The following PLXNA4 variants were observed in gnomAD, a reference collection of about 807,000 sequenced individuals.
PLXNA4 encodes plexin-A4.
In PLXNA4, 44 loss-of-function variants were observed where a neutral mutation model predicts 191.8. That is an observed-to-expected ratio of 0.23 (90% CI 0.18 to 0.29). PLXNA4 has a LOEUF of 0.29. Ranked by LOEUF, PLXNA4 falls within the 10% of genes least tolerant of loss-of-function variation. The pLI is 1.00. For synonymous variants in PLXNA4, 1,082 were observed against 1,009.5 expected, an observed-to-expected ratio of 1.07 and a Z score of -1.36; for missense variants, 1,800 against 2,488.8, an observed-to-expected ratio of 0.72 and a Z score of 5.89.
intron 3 of PLXNA4, among the ~76,000 whole-genome samples, chr7:132,431,966 A>AGTG (rs1435834788): frequency 6.6e-6 from 1 of 152,118 alleles, no homozygotes; most frequent in East Asian, 1.9e-4. Context: ...CTTAGGTGGA[A>AGTG]GTGGTTTTAA....
Position 132,271,727 on chromosome 7 carries a change from A to G in PLXNA4, c.1503+26364T>C, listed in dbSNP as rs377691423. Among the ~76,000 whole-genome samples the G allele has an allele frequency of 3.9e-5, 6 of 152,278 alleles. No individual in the cohort carries two copies. In the East Asian group the frequency reaches 1.2e-3, roughly 29 times the overall value. The stretch of plus-strand genomic sequence containing the variant: ...AGAGGATCAGAATTCAACAGAGACC[A>G]TGGGATGTGGTCAACAGGAGGTCAC... On this transcript the variant is annotated intron_variant, in intron 4 of 31. Transcript: ENST00000321063.
intron 3 of PLXNA4, among the ~76,000 whole-genome samples, chr7:132,379,696 G>T (rs1349894206): frequency 6.6e-6 from 1 of 152,216 alleles, no homozygotes; most frequent in Non-Finnish European, 1.5e-5. Flanking sequence ...AAGAGTAAAA[G>T]AATGAAGAAA....
chr7:132,215,396 G>C (rs181310255), intron 9 of PLXNA4, among the ~76,000 whole-genome samples: 1 of 152,358 alleles, frequency 6.6e-6, no homozygotes, highest in East Asian at 1.9e-4. Context: ...GATGAATTGT[G>C]TAGTCCCTGG....
At chr7:132,458,505 CAT>C (rs1796386678) in intron 3 of PLXNA4, among the ~76,000 whole-genome samples, 1 of 151,766 alleles carries the variant, frequency 6.6e-6, no homozygotes, top group South Asian at 2.1e-4. Flanking sequence ...ACTACAGCTG[CAT>C]AGAGTGAGCT....
rs61413944 is a variant in PLXNA4 at position 132,364,239 on chromosome 7, A to T, written c.1372-66017T>A. 6.7e-3 allele frequency among the ~76,000 whole-genome samples: 1,021 copies of T among 152,372 alleles called. 18 individuals are homozygous for T. The highest frequency in any genetic ancestry group is 0.023 in the African/African-American group (977 of 41,598). On this transcript the variant is annotated intron_variant, in intron 3 of 31. Transcript: ENST00000321063. ...AAGCCATTCACATTTTGGTTATGAC[A>T]TACTGGTGTCTAGACTTTGTCATAT...
At chr7:132,295,703 T>C (rs1387614985) in intron 4 of PLXNA4, among the ~76,000 whole-genome samples, 1 of 152,124 alleles carries the variant, frequency 6.6e-6, no homozygotes, top group African/African-American at 2.4e-5. Context: ...TGGGCTGCTG[T>C]GCTCCAACCC....
chr7:132,635,175 TA>T (rs1350902108), intron 2 of PLXNA4, among the ~76,000 whole-genome samples: 2 of 17,204 alleles, frequency 1.2e-4, no homozygotes, highest in African/African-American at 6.2e-4. Context: ...CCCCTTTATA[TA>T]TATATATATA....
At chr7:132,588,568 C>G (rs955067684) in intron 2 of PLXNA4, among the ~76,000 whole-genome samples, 1 of 150,274 alleles carries the variant, frequency 6.7e-6, no homozygotes, top group African/African-American at 2.5e-5. Context: ...TAATTTCCCT[C>G]CCTAATTCTT....
intron 3 of PLXNA4, among the ~76,000 whole-genome samples, chr7:132,446,893 C>T (rs189281780): frequency 6.6e-6 from 1 of 152,322 alleles, no homozygotes; most frequent in African/African-American, 2.4e-5. Flanking sequence ...GACACACACA[C>T]CTTTGAATTC....
chr7:132,588,952 C>A (rs1802557809), intron 2 of PLXNA4, among the ~76,000 whole-genome samples: 1 of 151,460 alleles, frequency 6.6e-6, no homozygotes, highest in South Asian at 2.1e-4. Context: ...AAGGTATCTT[C>A]AAAAAACCAA....
At chr7:132,455,935 G>A (rs1448375111) in intron 3 of PLXNA4, among the ~76,000 whole-genome samples, 3 of 152,204 alleles carry the variant, frequency 2.0e-5, no homozygotes, top group Non-Finnish European at 1.5e-5. Flanking sequence ...TCAGGAGAAT[G>A]CAGGTGAGGC....
At chr7:132,434,658 T>C (rs1795400030) in intron 3 of PLXNA4, among the ~76,000 whole-genome samples, 1 of 152,200 alleles carries the variant, frequency 6.6e-6, no homozygotes. Flanking sequence ...TGAAACGTAG[T>C]CAGATGAAAG....
intron 31 of PLXNA4, among the ~76,000 whole-genome samples, chr7:132,132,557 A>AT (rs1794998807): frequency 6.6e-6 from 1 of 150,512 alleles, no homozygotes; most frequent in Non-Finnish European, 1.5e-5. Context: ...ATTCTATTCT[A>AT]TTCTACTCCG....
intron 2 of PLXNA4, among the ~76,000 whole-genome samples, chr7:132,493,687 A>G (rs1461063021): frequency 2.0e-5 from 3 of 151,780 alleles, no homozygotes; most frequent in Admixed American, 2.0e-4. Context: ...GGATGGATAG[A>G]TGGATGGATG....
chr7:132,545,330 G>A (rs1800255854), intron 1 of PLXNA4, among the ~76,000 whole-genome samples: 1 of 152,178 alleles, frequency 6.6e-6, no homozygotes, highest in Admixed American at 6.5e-5. Flanking sequence ...GAATGAGGTT[G>A]AACAAAAACA....
At chr7:132,571,875 G>A (rs1047042733) in intron 1 of PLXNA4, among the ~76,000 whole-genome samples, 1 of 152,080 alleles carries the variant, frequency 6.6e-6, no homozygotes, top group Non-Finnish European at 1.5e-5. Context: ...AATGGGAATT[G>A]CCAAATGAGG....
intron 4 of PLXNA4, among the ~76,000 whole-genome samples, chr7:132,260,891 T>G (rs570006532): frequency 1.4e-4 from 21 of 152,154 alleles, no homozygotes; most frequent in African/African-American, 3.6e-4. Flanking sequence ...TGGATGATAA[T>G]GATATGTCAA....
chr7:132,544,959 G>A (rs1296421140), intron 1 of PLXNA4, among the ~76,000 whole-genome samples: 2 of 152,180 alleles, frequency 1.3e-5, no homozygotes, highest in Admixed American at 6.5e-5. Context: ...TACAATAGAG[G>A]GGACTAGTAC....
chr7:132,371,496 T>C (rs975402383), intron 3 of PLXNA4, among the ~76,000 whole-genome samples: 6 of 152,208 alleles, frequency 3.9e-5, no homozygotes, highest in African/African-American at 1.4e-4. Flanking sequence ...AGCATATTTC[T>C]GGACACAGTT....
Sources: gnomAD v4.1 joint callset for allele counts (sites outside exome capture counted in the v4.1 genomes callset) on GRCh38, gnomAD v4.1.1 for gene constraint, MANE v1.5 for transcripts, NCBI Gene and HGNC (gene_info 2026-07-23, HGNC 2026-07-21) for gene names.